EHBP1: variants seen among roughly 807,000 people sequenced by gnomAD.
EHBP1 encodes the protein EH domain-binding protein 1.
A neutral mutation model predicts 144.0 loss-of-function variants in EHBP1; 55 were observed. The observed-to-expected ratio is 0.38, with a 90% CI of 0.31 to 0.48. The LOEUF is 0.48. EHBP1 is among the 20% of genes least tolerant of loss of function. EHBP1 has a pLI of 0.98. For synonymous variants in EHBP1, 469 were observed against 472.7 expected (o/e 0.99, Z 0.10); for missense variants, 1,200 against 1,364.2 (o/e 0.88, Z 1.90).
intron 5 of EHBP1, among the ~76,000 whole-genome samples, chr2:62,807,190 C>T (rs1044199146): frequency 2.0e-5 from 3 of 152,196 alleles, no homozygotes; most frequent in Admixed American, 6.5e-5. Flanking sequence ...CATAACAATA[C>T]GTGATCTATA....
chr2:62,815,922 A>C (rs928114926), intron 5 of EHBP1, among the ~76,000 whole-genome samples: 1 of 152,222 alleles, frequency 6.6e-6, no homozygotes, highest in Non-Finnish European at 1.5e-5. Context: ...GCCTGGATAA[A>C]AGATTCATTC....
In EHBP1 at chr2:62,911,221, A is replaced by T. The variant is rs188304979; in HGVS notation, c.1186-31497A>T. On this transcript the variant is annotated intron_variant, in intron 10 of 22. Transcript: ENST00000431489. ...AACTTATTTAACCTCTCTCTCCCTCAGTGTGCTCATCTATAAAATAGGAAT... is the reference window on the plus strand; with the variant it reads ...AACTTATTTAACCTCTCTCTCCCTCTGTGTGCTCATCTATAAAATAGGAAT... Among the ~76,000 whole-genome samples, 4 of 152,248 alleles carry T rather than the reference A, an allele frequency of 2.6e-5. No homozygotes were observed. In the East Asian group the frequency reaches 7.7e-4, roughly 29 times the overall value.
Position 62,990,775 on chromosome 2 carries a change from G to A in EHBP1, c.2668G>A (p.Val890Met). ...GAAGCTCCTAGAAGTTCAGCCACAG[G>A]TGGCAAATTCACCCTCCAGTGCTGC... is the stretch of plus-strand genomic sequence containing the variant. ...LKKLLEVQPQ[V>M]ANSPSSAAQK... is the part of the protein sequence containing the mutation. Residue 890 changes from valine to methionine, a missense_variant, in exon 16 of 23, where the codon GTG becomes ATG. By Grantham distance (21) the Val-to-Met change is conservative. Around this residue, in one of 6 missense-constraint regions of EHBP1, gnomAD observed 543 missense variants for 513.1 expected, o/e 1.06. Coordinates refer to ENST00000431489, the MANE Select transcript of EHBP1 (RefSeq NM_001142616.3). 3.7e-6 allele frequency: 6 copies of A among 1,613,914 alleles called. No homozygotes were observed. The highest frequency in any genetic ancestry group is 5.1e-6 in the Non-Finnish European group (6 of 1,179,880).
intron 13 of EHBP1, among the ~76,000 whole-genome samples, chr2:62,949,726 T>C (rs2153093265): frequency 6.6e-6 from 1 of 152,326 alleles, no homozygotes; most frequent in East Asian, 1.9e-4. Flanking sequence ...CCATCATTAC[T>C]TGTGGTTAAA....
chr2:63,037,928 G>A (rs1440696384), intron 20 of EHBP1, among the ~76,000 whole-genome samples: 1 of 151,822 alleles, frequency 6.6e-6, no homozygotes, highest in Non-Finnish European at 1.5e-5. Flanking sequence ...GGTTTATATT[G>A]AGAGAGGGGA....
At chr2:62,933,363 T>G (rs2056152808) in intron 10 of EHBP1, among the ~76,000 whole-genome samples, 1 of 152,136 alleles carries the variant, frequency 6.6e-6, no homozygotes, top group African/African-American at 2.4e-5. Context: ...AAATATATAA[T>G]GTTAAAGAGA....
At chr2:62,736,221 T>A (rs1316463346) in intron 2 of EHBP1, among the ~76,000 whole-genome samples, 3 of 150,010 alleles carry the variant, frequency 2.0e-5, no homozygotes, top group Non-Finnish European at 4.4e-5. Context: ...TTGTTCTCTT[T>A]GCCTTTTTTT....
chr2:62,800,982 A>G (rs1329726102), intron 5 of EHBP1, among the ~76,000 whole-genome samples: 2 of 152,246 alleles, frequency 1.3e-5, no homozygotes, highest in Admixed American at 1.3e-4. Context: ...TTACAGGACT[A>G]TTAAGGAATC....
At chr2:62,980,461 A>T (rs2058915591) in intron 15 of EHBP1, among the ~76,000 whole-genome samples, 1 of 152,216 alleles carries the variant, frequency 6.6e-6, no homozygotes, top group Non-Finnish European at 1.5e-5. Context: ...CCTGCCTAAG[A>T]GGGCCAAAAC....
In EHBP1 at chr2:62,807,366, G is replaced by A. The variant is rs527237588; in HGVS notation, c.313-18721G>A. 1.1e-4 allele frequency among the ~76,000 whole-genome samples: 16 copies of A among 152,180 alleles called. No homozygotes were observed. In the South Asian group the frequency reaches 3.3e-3, roughly 32 times the overall value. ...AGTTCAAGACCAGCCTGACCAACAC[G>A]GAGAAACCCCCATCTCTACTAAAAA... On this transcript the variant is annotated intron_variant, in intron 5 of 22. Transcript: ENST00000431489.
intron 7 of EHBP1, among the ~76,000 whole-genome samples, chr2:62,852,640 T>C (rs13418889): frequency 0.63 from 96,097 of 151,852 alleles, 30,571 homozygotes; most frequent in South Asian, 0.7. Flanking sequence ...TTATTAATAT[T>C]TTTAAAGTTA....
intron 6 of EHBP1, among the ~76,000 whole-genome samples, chr2:62,828,265 G>A (rs1278876219): frequency 2.0e-5 from 3 of 152,066 alleles, no homozygotes; most frequent in Admixed American, 2.0e-4. Flanking sequence ...TGAATTTGGG[G>A]GAAGTATAGC....
intron 1 of EHBP1, among the ~76,000 whole-genome samples, chr2:62,687,439 G>T (rs2033755782): frequency 6.6e-6 from 1 of 152,334 alleles, no homozygotes; most frequent in East Asian, 1.9e-4. Flanking sequence ...GAAAATCCCA[G>T]TTGTACTAGC....
intron 6 of EHBP1, among the ~76,000 whole-genome samples, chr2:62,830,645 GT>G (rs1297338440): frequency 6.6e-6 from 1 of 152,084 alleles, no homozygotes; most frequent in Non-Finnish European, 1.5e-5. Flanking sequence ...AAGCTTTTTA[GT>G]TTAATAAGGT....
At chr2:62,954,602 A>C (rs2057582164) in intron 13 of EHBP1, among the ~76,000 whole-genome samples, 1 of 152,148 alleles carries the variant, frequency 6.6e-6, no homozygotes, top group South Asian at 2.1e-4. Context: ...TTGTAGTAAA[A>C]TATAAAGACC....
intron 21 of EHBP1, among the ~76,000 whole-genome samples, chr2:63,042,044 C>CT (rs2061680668): frequency 6.6e-6 from 1 of 152,078 alleles, no homozygotes. Flanking sequence ...AACAGAATCT[C>CT]TTTATTTCAA....
chr2:62,685,875 C>A (rs1306820384), intron 1 of EHBP1, among the ~76,000 whole-genome samples: 1 of 152,146 alleles, frequency 6.6e-6, no homozygotes, highest in South Asian at 2.1e-4. Flanking sequence ...AAACCAGAAT[C>A]TTCAGCTTGA....
chr2:62,810,697 G>A (rs746865456), intron 5 of EHBP1, among the ~76,000 whole-genome samples: 20 of 152,302 alleles, frequency 1.3e-4, no homozygotes, highest in Non-Finnish European at 2.4e-4. Flanking sequence ...CCAGGCCGTG[G>A]AAGATGTAAT....
At chr2:62,814,442 T>C (rs1475166790) in intron 5 of EHBP1, among the ~76,000 whole-genome samples, 1 of 152,272 alleles carries the variant, frequency 6.6e-6, no homozygotes, top group Non-Finnish European at 1.5e-5. Flanking sequence ...TATTCTGTTA[T>C]AGTAGCACAA....
Sources: gnomAD v4.1 joint callset for allele counts (sites outside exome capture counted in the v4.1 genomes callset) on GRCh38, gnomAD v4.1.1 for gene constraint, gnomAD v4.1.1 regional missense constraint, MANE v1.5 for transcripts, NCBI Gene and HGNC (gene_info 2026-07-23, HGNC 2026-07-21) for gene names.